The following CUX1 variants were observed in gnomAD, a reference collection of about 807,000 sequenced individuals.
The protein encoded by CUX1 is cut like homeobox 1, also known as protein CASP.
Under a neutral mutation model 158.8 loss-of-function variants are expected in CUX1, and 31 were observed. The observed-to-expected ratio is 0.20, with a 90% CI of 0.15 to 0.26. CUX1 has a LOEUF of 0.26. CUX1 is among the 10% of genes least tolerant of loss of function. The probability of loss-of-function intolerance (pLI) is 1.00; values close to 1 mark genes in which losing one functional copy is unlikely to be tolerated. For synonymous variants in CUX1, 879 were observed against 862.1 expected (o/e 1.02, Z -0.34); for missense variants, 1,589 against 2,014.6 (o/e 0.79, Z 4.04).
At chr7:102,118,175 T>C (rs1452406544) in intron 8 of CUX1, among the ~76,000 whole-genome samples, 1 of 152,260 alleles carries the variant, frequency 6.6e-6, no homozygotes, top group Non-Finnish European at 1.5e-5. Context: ...TATAAGCCCC[T>C]TGGGGCAAAT....
chr7:101,991,868 T>A (rs776316001), intron 2 of CUX1, among the ~76,000 whole-genome samples: 84 of 151,580 alleles, frequency 5.5e-4, no homozygotes, highest in Non-Finnish European at 6.8e-4. Context: ...TCAAGACCAG[T>A]CTGGGCAACA....
At chr7:102,064,722 G>A (rs867450626) in intron 3 of CUX1, among the ~76,000 whole-genome samples, 2 of 152,134 alleles carry the variant, frequency 1.3e-5, no homozygotes, top group African/African-American at 4.8e-5. Flanking sequence ...GTTGTGTCTG[G>A]TACTGGGGCC....
intron 8 of CUX1, among the ~76,000 whole-genome samples, chr7:102,126,869 G>C (rs1481080778): frequency 6.6e-6 from 1 of 152,180 alleles, no homozygotes; most frequent in Non-Finnish European, 1.5e-5. Flanking sequence ...ATCAGTGGGA[G>C]CCCTGAGCTT....
chr7:102,195,644 G>T (rs372903180), intron 14 of CUX1, 41 bp downstream of exon 14: 1 of 1,539,368 alleles, frequency 6.5e-7, no homozygotes, highest in Non-Finnish European at 8.8e-7. Context: ...TGGTTGGTTC[G>T]CTTCCAGGGG....
intron 11 of CUX1, among the ~76,000 whole-genome samples, chr7:102,181,434 C>T (rs1194666934): frequency 3.9e-5 from 6 of 152,130 alleles, no homozygotes; most frequent in African/African-American, 1.4e-4. Context: ...AGATACACAC[C>T]GGCTACAAGA....
intron 15 of CUX1, 33 bp downstream of exon 15, chr7:102,197,338 C>T (rs936677212): frequency 8.8e-6 from 14 of 1,597,446 alleles, no homozygotes; most frequent in Admixed American, 3.4e-5. Context: ...CGCCAGCGTG[C>T]GAGCCCGTCA....
intron 3 of CUX1, among the ~76,000 whole-genome samples, chr7:102,061,181 C>T (rs576746407): frequency 7.9e-5 from 12 of 152,252 alleles, no homozygotes; most frequent in African/African-American, 2.9e-4. Flanking sequence ...GCTTTGGCCT[C>T]CCAAAGTGCT....
intron 1 of CUX1, among the ~76,000 whole-genome samples, chr7:101,863,148 A>T (rs1797630991): frequency 1.3e-5 from 2 of 152,232 alleles, no homozygotes; most frequent in Non-Finnish European, 2.9e-5. Flanking sequence ...CAAAAAGTAC[A>T]ACCACAATAC....
chr7:102,256,803 T>C lies in CUX1; in HGVS notation c.*7761T>C, dbSNP rs1789941834. 4.1e-6 allele frequency: 4 copies of C among 985,338 alleles called. No individual in the cohort carries two copies. The highest frequency in any genetic ancestry group is 1.7e-5 in the African/African-American group (1 of 57,234). 61.0% of individuals were successfully genotyped at this position (985,338 alleles called of 1,614,324 possible). A position where few individuals can be genotyped will look rare whatever the true frequency, so the allele number is the denominator to read the frequency against. On this transcript the variant is annotated 3_prime_UTR_variant, in exon 24 of 24. Transcript: ENST00000292535. Reference sequence around the variant, plus strand: ...GGGCGCGGTGGCCTGGCCAAGACTTTACCTCCAAGCGAGAGAGTGATTTCT... The same window carrying C: ...GGGCGCGGTGGCCTGGCCAAGACTTCACCTCCAAGCGAGAGAGTGATTTCT...
intron 8 of CUX1, among the ~76,000 whole-genome samples, chr7:102,137,361 C>T (rs530705946): frequency 5.3e-5 from 8 of 152,214 alleles, no homozygotes; most frequent in South Asian, 2.1e-4. Context: ...GCAGGTTGGG[C>T]GCGGTGGCTC....
intron 20 of CUX1, among the ~76,000 whole-genome samples, chr7:102,214,515 T>G (rs1554524029): frequency 1.3e-5 from 2 of 152,204 alleles, no homozygotes; most frequent in African/African-American, 4.8e-5. Flanking sequence ...TGTTGGAAAA[T>G]GTGTAATCCA....
In CUX1 at chr7:101,872,667, G is replaced by C. The variant is rs374863784; in HGVS notation, c.31-43448G>C. ...AAAAATAAAGCCACATACACTATCTGTTTTTGTGTGTGTATGTGTCAATAG... is the reference window on the plus strand; with the variant it reads ...AAAAATAAAGCCACATACACTATCTCTTTTTGTGTGTGTATGTGTCAATAG... On this transcript the variant is annotated intron_variant, in intron 1 of 23. Coordinates refer to ENST00000292535, the MANE Select transcript of CUX1 (RefSeq NM_181552.4). Among the ~76,000 whole-genome samples, 9 of 151,990 alleles carry C rather than the reference G, an allele frequency of 5.9e-5. No homozygotes were observed. The South Asian group carries it at 1.2e-3, about 21-fold the overall frequency.
intron 2 of CUX1, among the ~76,000 whole-genome samples, chr7:102,003,955 A>G (rs959174146): frequency 6.6e-6 from 1 of 152,214 alleles, no homozygotes; most frequent in African/African-American, 2.4e-5. Flanking sequence ...AGCCTGGGCA[A>G]CATAGTGAGA....
chr7:102,132,319 GCGCGCACGCCACGCACACA>G (rs1563288438), intron 8 of CUX1, among the ~76,000 whole-genome samples: 3 of 820 alleles, frequency 3.7e-3, no homozygotes, highest in Non-Finnish European at 0.021. Flanking sequence ...GCGCGCGCGC[GCGCGCACGCCACGCACACA>G]CGCATCTTTA....
chr7:102,126,870 C>A (rs1253361588), intron 8 of CUX1, among the ~76,000 whole-genome samples: 1 of 152,160 alleles, frequency 6.6e-6, no homozygotes, highest in African/African-American at 2.4e-5. Context: ...TCAGTGGGAG[C>A]CCTGAGCTTG....
chr7:102,236,425 TC>T (rs1481812673), intron 22 of CUX1, among the ~76,000 whole-genome samples: 10 of 152,222 alleles, frequency 6.6e-5, no homozygotes, highest in African/African-American at 2.2e-4. Flanking sequence ...CTAAAAGTTT[TC>T]AACTTATTTT....
intron 2 of CUX1, among the ~76,000 whole-genome samples, chr7:101,965,012 G>A (rs867179423): frequency 6.6e-6 from 1 of 152,294 alleles, no homozygotes; most frequent in South Asian, 2.1e-4. Flanking sequence ...GATTAAAGGC[G>A]TGGTCTTCAT....
At chr7:102,040,190 C>T (rs1821905622) in intron 3 of CUX1, among the ~76,000 whole-genome samples, 1 of 152,180 alleles carries the variant, frequency 6.6e-6, no homozygotes, top group African/African-American at 2.4e-5. Flanking sequence ...GCGCCAGGCA[C>T]TGCGAGGGAG....
At chr7:101,971,481 CTA>C (rs1811946435) in intron 2 of CUX1, among the ~76,000 whole-genome samples, 1 of 152,146 alleles carries the variant, frequency 6.6e-6, no homozygotes, top group Non-Finnish European at 1.5e-5. Flanking sequence ...GACCCAATCT[CTA>C]TTGTAAAAAT....
Sources: gnomAD v4.1 joint callset for allele counts (sites outside exome capture counted in the v4.1 genomes callset) on GRCh38, gnomAD v4.1.1 for gene constraint, MANE v1.5 for transcripts, NCBI Gene and HGNC (gene_info 2026-07-23, HGNC 2026-07-21) for gene names.